SH3D19: variants seen among roughly 807,000 people sequenced by gnomAD.
SH3D19 encodes SH3 domain-containing protein 19.
A neutral mutation model predicts 112.1 loss-of-function variants in SH3D19; 58 were observed. The observed-to-expected ratio is 0.52, with a 90% CI of 0.42 to 0.64. The LOEUF is 0.64. Ranked by LOEUF, SH3D19 falls within the 30% of genes least tolerant of loss-of-function variation. The pLI is 0.00. For missense variants in SH3D19, 1,090 were observed against 1,263.4 expected, an observed-to-expected ratio of 0.86 and a Z score of 2.08; for synonymous variants, 391 against 448.5, an observed-to-expected ratio of 0.87 and a Z score of 1.62.
At chr4:151,237,529 C>A (rs889635734) in intron 1 of SH3D19, among the ~76,000 whole-genome samples, 3 of 62,344 alleles carry the variant, frequency 4.8e-5, no homozygotes, top group African/African-American at 1.0e-4. Flanking sequence ...GTCAGACAGG[C>A]CTTGTTTTGA....
In SH3D19 at chr4:151,137,789, G is replaced by C; in HGVS notation, c.2370C>G (p.Tyr790Ter). The change falls in exon 14 of 20, where the codon TAC becomes TAG. Residue 790 changes from tyrosine to a stop codon, truncating the protein, a stop_gained. Transcript: ENST00000604030. LOFTEE classifies it high-confidence loss of function. ...YLLEKIDTDWYRGNCRNQIGI... is the reference protein window; with the variant it reads ...YLLEKIDTDW ...CAATCTGGTTTCTACAGTTCCCTCT[G>C]TACCAATCTGTATCTATCTTCTCCA... 1 of 1,610,410 alleles carries C rather than the reference G, an allele frequency of 6.2e-7. No individual in the cohort carries two copies. Among genetic ancestry groups the C allele is most frequent in the Non-Finnish European group, 8.5e-7 (1 of 1,178,312 alleles).
intron 9 of SH3D19, among the ~76,000 whole-genome samples, chr4:151,150,672 G>A: frequency 6.6e-6 from 1 of 152,072 alleles, no homozygotes. Flanking sequence ...GAGGAAAAGA[G>A]TGAAGGAGAA....
At chr4:151,237,206 A>G (rs1050122920) in intron 1 of SH3D19, among the ~76,000 whole-genome samples, 8 of 152,046 alleles carry the variant, frequency 5.3e-5, no homozygotes, top group South Asian at 2.1e-4. Context: ...GAGCTGTAAC[A>G]CTCACCGCGA....
chr4:151,161,753 A>G (rs943122948), intron 8 of SH3D19, among the ~76,000 whole-genome samples: 12 of 147,030 alleles, frequency 8.2e-5, no homozygotes, highest in African/African-American at 3.0e-4. Context: ...CTCACTGTTC[A>G]ATTCATACCT....
chr4:151,275,851 T>A (rs1962250), intron 1 of SH3D19, among the ~76,000 whole-genome samples: 2,045 of 38,438 alleles, frequency 0.053, 46 homozygotes, highest in African/African-American at 0.091. Context: ...TATTATTATT[T>A]TTTTTTTTTT....
intron 1 of SH3D19, chr4:151,291,060 C>CTTCTCTCTT: frequency 7.4e-7 from 1 of 1,343,336 alleles, no homozygotes; most frequent in African/African-American, 1.4e-5. Flanking sequence ...CCCCTTATTA[C>CTTCTCTCTT]TACTCTCTTC....
chr4:151,195,392 A>AAAAAG (rs1763304053), intron 2 of SH3D19, among the ~76,000 whole-genome samples: 1 of 139,902 alleles, frequency 7.1e-6, no homozygotes, highest in African/African-American at 3.2e-5. Flanking sequence ...AAAAAAAAAA[A>AAAAAG]AAAAAGAAAA....
intron 14 of SH3D19, among the ~76,000 whole-genome samples, chr4:151,136,437 C>G: frequency 6.6e-6 from 1 of 152,200 alleles, no homozygotes; most frequent in Non-Finnish European, 1.5e-5. Context: ...CAGGCATGAG[C>G]CACTGTGCCC....
chr4:151,177,175 A>G (rs1398079267), intron 4 of SH3D19, among the ~76,000 whole-genome samples: 2 of 152,242 alleles, frequency 1.3e-5, no homozygotes, highest in African/African-American at 4.8e-5. Flanking sequence ...TTTGGCCTCA[A>G]AAAGTTAGAG....
chr4:151,181,996 T>A (rs1291298265), intron 3 of SH3D19, among the ~76,000 whole-genome samples: 3 of 152,058 alleles, frequency 2.0e-5, no homozygotes, highest in African/African-American at 4.8e-5. Flanking sequence ...TTTTTTTTTT[T>A]TTATTTTTTT....
chr4:151,275,187 C>T (rs900114499), intron 1 of SH3D19, among the ~76,000 whole-genome samples: 4 of 151,336 alleles, frequency 2.6e-5, no homozygotes, highest in Non-Finnish European at 4.4e-5. Flanking sequence ...CCAGGGTTCA[C>T]GCCATTCTCC....
At chr4:151,157,937 A>G (rs999272009) in intron 9 of SH3D19, among the ~76,000 whole-genome samples, 10 of 152,188 alleles carry the variant, frequency 6.6e-5, no homozygotes, top group African/African-American at 2.4e-4. Context: ...AGAGGCTGGG[A>G]AGGGTAGAAA....
At chr4:151,163,147 T>C (rs1197160084) in intron 8 of SH3D19, among the ~76,000 whole-genome samples, 1 of 152,230 alleles carries the variant, frequency 6.6e-6, no homozygotes, top group African/African-American at 2.4e-5. Context: ...ATATGTCCTC[T>C]GACTCCACCA....
intron 1 of SH3D19, among the ~76,000 whole-genome samples, chr4:151,254,973 G>C (rs1046689778): frequency 6.7e-6 from 1 of 150,050 alleles, no homozygotes; most frequent in African/African-American, 2.5e-5. Context: ...CTCCCTCCCG[G>C]ATGGGGCGGC....
chr4:151,278,303 C>T (rs1044668935), intron 1 of SH3D19, among the ~76,000 whole-genome samples: 8 of 151,990 alleles, frequency 5.3e-5, no homozygotes, highest in African/African-American at 1.9e-4. Flanking sequence ...GAGTCTCACT[C>T]TGTCACCCAG....
chr4:151,137,475 C>T (rs1054471004), intron 14 of SH3D19, among the ~76,000 whole-genome samples: 7 of 152,184 alleles, frequency 4.6e-5, no homozygotes, highest in East Asian at 3.8e-4. Flanking sequence ...CCAAGAACAG[C>T]TGATTCACCA....
intron 2 of SH3D19, among the ~76,000 whole-genome samples, chr4:151,191,945 C>CTTTTTTT (rs774312602): frequency 3.6e-5 from 1 of 28,090 alleles, no homozygotes. Context: ...ACACCCAGCC[C>CTTTTTTT]TTTTTTTTTT....
At chr4:151,191,728 C>G (rs888616901) in intron 2 of SH3D19, among the ~76,000 whole-genome samples, 1 of 151,860 alleles carries the variant, frequency 6.6e-6, no homozygotes, top group Non-Finnish European at 1.5e-5. Context: ...TCACTGCAAG[C>G]TTCACCTCCC....
chr4:151,190,627 G>A (rs973101481), intron 2 of SH3D19, among the ~76,000 whole-genome samples: 1 of 152,196 alleles, frequency 6.6e-6, no homozygotes, highest in African/African-American at 2.4e-5. Context: ...ATGTGGTGTT[G>A]AGCGTGCAAG....
Sources: gnomAD v4.1 joint callset for allele counts (sites outside exome capture counted in the v4.1 genomes callset) on GRCh38, gnomAD v4.1.1 for gene constraint, MANE v1.5 for transcripts, NCBI Gene and HGNC (gene_info 2026-07-23, HGNC 2026-07-21) for gene names.